The following TENM3 variants were observed in gnomAD, a reference collection of about 807,000 sequenced individuals.
The protein encoded by TENM3 is teneurin-3.
In TENM3, 63 loss-of-function variants were observed where a neutral mutation model predicts 255.1. The observed-to-expected ratio is 0.25, with a 90% CI of 0.20 to 0.30. The LOEUF (loss-of-function observed/expected upper bound fraction) is 0.30, where lower values mean the gene tolerates loss of function less well. TENM3 is among the 10% of genes least tolerant of loss of function. The probability of loss-of-function intolerance (pLI) is 1.00; values close to 1 mark genes in which losing one functional copy is unlikely to be tolerated. For synonymous variants in TENM3, 1,306 were observed against 1,322.3 expected, an observed-to-expected ratio of 0.99 and a Z score of 0.27; for missense variants, 2,929 against 3,461.1, an observed-to-expected ratio of 0.85 and a Z score of 3.86.
At chr4:181,971,554 G>A in the TENM3 span, among the ~76,000 whole-genome samples, 1 of 151,288 alleles carries the variant, frequency 6.6e-6, no homozygotes, top group Non-Finnish European at 1.5e-5. Flanking sequence ...AAGTTGTTGG[G>A]TATTTGGTTT....
chr4:181,464,808 G>T, the TENM3 span, among the ~76,000 whole-genome samples: 1 of 151,942 alleles, frequency 6.6e-6, no homozygotes, highest in African/African-American at 2.4e-5. Flanking sequence ...AAAATTAGCT[G>T]GGCATGGTGG....
At chr4:181,467,148 T>TTTTTGGG in the TENM3 span, among the ~76,000 whole-genome samples, 2 of 109,202 alleles carry the variant, frequency 1.8e-5, no homozygotes, top group African/African-American at 7.7e-5. Flanking sequence ...TTTTTTTTTT[T>TTTTTGGG]AGGCAGAGTC....
chr4:182,331,570 C>G (rs866323471), intron 2 of TENM3, among the ~76,000 whole-genome samples: 1 of 152,000 alleles, frequency 6.6e-6, no homozygotes, highest in African/African-American at 2.4e-5. Context: ...AATACATGTA[C>G]TGCATTTTGA....
At chr4:182,478,552 C>G (rs1580692558) in intron 3 of TENM3, among the ~76,000 whole-genome samples, 2 of 151,914 alleles carry the variant, frequency 1.3e-5, no homozygotes, top group Non-Finnish European at 2.9e-5. Context: ...CACCGTGAGT[C>G]TTCCCAATCA....
the TENM3 span, among the ~76,000 whole-genome samples, chr4:181,636,748 T>C: frequency 6.6e-6 from 1 of 152,228 alleles, no homozygotes; most frequent in Non-Finnish European, 1.5e-5. Context: ...TGCTTTTCCC[T>C]CTTCGGTTTA....
At chr4:182,331,644 A>C (rs1763762686) in intron 2 of TENM3, among the ~76,000 whole-genome samples, 1 of 152,244 alleles carries the variant, frequency 6.6e-6, no homozygotes, top group Non-Finnish European at 1.5e-5. Flanking sequence ...TTAAAATGGT[A>C]AAGAAAATGG....
chr4:181,538,950 G>T, the TENM3 span, among the ~76,000 whole-genome samples: 97 of 152,240 alleles, frequency 6.4e-4, no homozygotes, highest in Admixed American at 1.6e-3. Context: ...TTTTAATTCT[G>T]TTGGGGAAAA....
chr4:182,017,819 C>T, the TENM3 span, among the ~76,000 whole-genome samples: 2 of 152,168 alleles, frequency 1.3e-5, no homozygotes, highest in Non-Finnish European at 2.9e-5. Context: ...CCCATGAACA[C>T]ATTCAGAGAG....
chr4:182,605,642 A>T (rs62339121), intron 4 of TENM3, among the ~76,000 whole-genome samples: 1 of 152,218 alleles, frequency 6.6e-6, no homozygotes, highest in Non-Finnish European at 1.5e-5. Flanking sequence ...GAGAATGGGA[A>T]GAAACATGAA....
rs533683650 is a variant in TENM3, at chr4:182,706,141, G to A, written c.2222-7946G>A. Among the ~76,000 whole-genome samples the A allele has an allele frequency of 9.9e-5, 15 of 152,068 alleles. No homozygotes were observed. The East Asian group carries it at 1.4e-3, about 14-fold the overall frequency. On this transcript the variant is annotated intron_variant, in intron 12 of 27. Transcript: ENST00000511685. ...TATAAACAGATGATGCTTCTAGTTC[G>A]CCTTACACAGGTACACAGTTCTGGT...
the TENM3 span, among the ~76,000 whole-genome samples, chr4:181,888,687 T>C: frequency 6.8e-6 from 1 of 146,918 alleles, no homozygotes; most frequent in Non-Finnish European, 1.5e-5. Context: ...AGTCCCACAG[T>C]CTGACATCTG....
chr4:182,534,947 C>G (rs1257147084), intron 3 of TENM3, among the ~76,000 whole-genome samples: 1 of 152,148 alleles, frequency 6.6e-6, no homozygotes, highest in South Asian at 2.1e-4. Flanking sequence ...TATGTAGCAC[C>G]TTGTCCAAGC....
chr4:182,104,879 T>C, the TENM3 span, among the ~76,000 whole-genome samples: 12 of 152,064 alleles, frequency 7.9e-5, no homozygotes, highest in Non-Finnish European at 1.8e-4. Context: ...TTCATTCTCA[T>C]TGAAAACAGT....
intron 2 of TENM3, among the ~76,000 whole-genome samples, chr4:182,346,127 T>G (rs1255918156): frequency 3.3e-5 from 5 of 152,048 alleles, no homozygotes; most frequent in Admixed American, 6.6e-5. Context: ...ACGTGTTATG[T>G]TGATTGCTAA....
chr4:181,529,099 C>T, the TENM3 span, among the ~76,000 whole-genome samples: 1 of 152,154 alleles, frequency 6.6e-6, no homozygotes, highest in Non-Finnish European at 1.5e-5. Flanking sequence ...AACTGAGGCT[C>T]AAAAGGGTTA....
chr4:181,605,482 GAA>G, the TENM3 span, among the ~76,000 whole-genome samples: 147 of 6,838 alleles, frequency 0.021, 5 homozygotes, highest in African/African-American at 0.068. Flanking sequence ...GAGAAACAGA[GAA>G]AGAAAGAAAG....
chr4:182,588,029 T>C (rs776134056), intron 3 of TENM3, among the ~76,000 whole-genome samples: 6 of 152,162 alleles, frequency 3.9e-5, no homozygotes, highest in Non-Finnish European at 8.8e-5. Flanking sequence ...TTAAATGTTT[T>C]ATATGTATAA....
chr4:182,596,863 C>T (rs533898403), intron 3 of TENM3, among the ~76,000 whole-genome samples: 5 of 152,286 alleles, frequency 3.3e-5, no homozygotes, highest in Admixed American at 2.6e-4. Flanking sequence ...GTCTGATTGT[C>T]CCATCTGTAA....
At chr4:181,628,252 G>A in the TENM3 span, among the ~76,000 whole-genome samples, 1 of 152,084 alleles carries the variant, frequency 6.6e-6, no homozygotes, top group Non-Finnish European at 1.5e-5. Context: ...CAGATGAGTA[G>A]ATCGCAAATA....
Sources: allele counts gnomAD v4.1 joint callset (sites outside exome capture counted in the v4.1 genomes callset), GRCh38; gene constraint gnomAD v4.1.1; transcripts MANE v1.5; gene names NCBI Gene and HGNC (gene_info 2026-07-23, HGNC 2026-07-21).